Variants in DPP6 observed in about 807,000 individuals in gnomAD.
DPP6 encodes A-type potassium channel modulatory protein DPP6.
Under a neutral mutation model 122.6 loss-of-function variants are expected in DPP6, and 69 were observed. The ratio of observed to expected loss-of-function variants is 0.56; its 90% CI spans 0.46 to 0.69. The LOEUF is 0.69. DPP6 is among the 30% of genes least tolerant of loss of function. The probability of loss-of-function intolerance (pLI) is 0.00; values close to 1 mark genes in which losing one functional copy is unlikely to be tolerated. For missense variants in DPP6, 928 were observed against 1,116.9 expected (o/e 0.83, Z 2.41); for synonymous variants, 418 against 433.1 (o/e 0.97, Z 0.43).
intron 3 of DPP6, among the ~76,000 whole-genome samples, chr7:154,477,832 C>T (rs963069933): frequency 3.9e-5 from 6 of 152,144 alleles, no homozygotes; most frequent in Non-Finnish European, 7.3e-5. Context: ...AATGGACCTG[C>T]CTTTGGTGTT....
At chr7:154,019,280 A>G in intron 1 of DPP6, among the ~76,000 whole-genome samples, 1 of 152,156 alleles carries the variant, frequency 6.6e-6, no homozygotes, top group East Asian at 1.9e-4. Context: ...TCCTGTCTAA[A>G]GCCAGCCTCT....
intron 5 of DPP6, among the ~76,000 whole-genome samples, chr7:154,623,119 C>T (rs1429711105): frequency 6.6e-6 from 1 of 152,166 alleles, no homozygotes; most frequent in Non-Finnish European, 1.5e-5. Context: ...ATTTCCTGGC[C>T]TTTACTTGGT....
chr7:154,477,593 G>A (rs1338763568), intron 3 of DPP6, among the ~76,000 whole-genome samples: 2 of 152,008 alleles, frequency 1.3e-5, no homozygotes, highest in African/African-American at 2.4e-5. Context: ...CTGGAGGAAC[G>A]TGTGCCAGTT....
intron 1 of DPP6, among the ~76,000 whole-genome samples, chr7:154,365,724 C>T (rs1010979073): frequency 6.6e-6 from 1 of 151,718 alleles, no homozygotes; most frequent in Non-Finnish European, 1.5e-5. Context: ...GAGGCCGAGG[C>T]GGGCGGATCA....
chr7:154,128,684 C>T (rs1242508568), intron 1 of DPP6, among the ~76,000 whole-genome samples: 1 of 139,354 alleles, frequency 7.2e-6, no homozygotes, highest in African/African-American at 2.5e-5. Flanking sequence ...ACACCGTGCC[C>T]AGCCCAAGAC....
At chr7:153,796,024 A>G in the DPP6 span, among the ~76,000 whole-genome samples, 60,056 of 141,720 alleles carry the variant, frequency 0.42, 12,780 homozygotes, top group Middle Eastern at 0.51. Flanking sequence ...GACTTGTTTC[A>G]TGGCCCAGAA....
rs541791140 is a variant in DPP6 at position 154,211,278 on chromosome 7, C to G, written c.243+158215C>G. The stretch of plus-strand genomic sequence containing the variant: ...AGCTGGCAGACAGCCCCCACCTGGG[C>G]ATAGGTACATGACAGGAGGGAACGA... On this transcript the variant is annotated intron_variant, in intron 1 of 25. Coordinates refer to ENST00000377770, the MANE Select transcript of DPP6 (RefSeq NM_130797.4). 5.9e-5 allele frequency among the ~76,000 whole-genome samples: 9 copies of G among 152,084 alleles called. 1 individual carries two copies. The highest frequency in any genetic ancestry group is 1.3e-4 in the Non-Finnish European group (9 of 68,030).
chr7:154,261,819 G>A (rs780203027), intron 1 of DPP6, among the ~76,000 whole-genome samples: 98 of 152,264 alleles, frequency 6.4e-4, no homozygotes, highest in Admixed American at 1.2e-3. Context: ...TCAGGGAAAT[G>A]CAAATCAAAA....
chr7:154,239,947 G>A (rs1179619108), intron 1 of DPP6, among the ~76,000 whole-genome samples: 5 of 129,048 alleles, frequency 3.9e-5, no homozygotes, highest in East Asian at 2.7e-4. Context: ...AGCCAAGATC[G>A]TGCCACTGCA....
rs542052801 is a variant in DPP6 at position 154,399,743 on chromosome 7, G to C, written c.244-46471G>C. 2.9e-3 allele frequency among the ~76,000 whole-genome samples: 447 copies of C among 152,282 alleles called. 1 individual carries two copies. The highest frequency in any genetic ancestry group is 7.1e-3 in the African/African-American group (294 of 41,562). On this transcript the variant is annotated intron_variant, in intron 1 of 25. Coordinates refer to ENST00000377770, the MANE Select transcript of DPP6 (RefSeq NM_130797.4). ...TGGATGCATGGGAGAACGCAGGGGT[G>C]GGGGAGGGACCCATCAGTTGGTGCC...
the DPP6 span, among the ~76,000 whole-genome samples, chr7:153,835,867 C>G: frequency 4.6e-5 from 7 of 152,120 alleles, no homozygotes; most frequent in Non-Finnish European, 8.8e-5. Flanking sequence ...TCTGAGCATG[C>G]CTGGTACAAC....
chr7:153,967,583 G>A (rs1472871692), intron 1 of DPP6, among the ~76,000 whole-genome samples: 4 of 152,044 alleles, frequency 2.6e-5, no homozygotes, highest in South Asian at 2.1e-4. Flanking sequence ...TCTCTGGCTC[G>A]TCGAACACAG....
chr7:153,834,111 A>C, the DPP6 span, among the ~76,000 whole-genome samples: 1 of 151,860 alleles, frequency 6.6e-6, no homozygotes, highest in African/African-American at 2.4e-5. Flanking sequence ...ACATGGCAAA[A>C]CCCGGTTTCT....
the DPP6 span, among the ~76,000 whole-genome samples, chr7:153,778,488 G>T: frequency 6.8e-6 from 1 of 147,162 alleles, no homozygotes; most frequent in Non-Finnish European, 1.5e-5. Context: ...CTTGTATTTT[G>T]GGGGGAATGG....
chr7:154,270,993 AAG>A (rs1803750662), intron 1 of DPP6, among the ~76,000 whole-genome samples: 2 of 152,204 alleles, frequency 1.3e-5, no homozygotes, highest in African/African-American at 4.8e-5. Flanking sequence ...TTAAGTGACA[AAG>A]AGATACTGCA....
At chr7:153,992,208 A>G (rs1797213846) in intron 1 of DPP6, among the ~76,000 whole-genome samples, 1 of 152,086 alleles carries the variant, frequency 6.6e-6, no homozygotes, top group African/African-American at 2.4e-5. Flanking sequence ...CCAAATCTAT[A>G]AGGCCACCTC....
intron 17 of DPP6, among the ~76,000 whole-genome samples, chr7:154,861,705 T>C (rs937643442): frequency 2.6e-5 from 4 of 152,252 alleles, no homozygotes; most frequent in Non-Finnish European, 5.9e-5. Flanking sequence ...AAAGTTATGA[T>C]TGCTCTGAGA....
chr7:153,861,501 G>A, the DPP6 span, among the ~76,000 whole-genome samples: 3 of 152,180 alleles, frequency 2.0e-5, no homozygotes, highest in Non-Finnish European at 4.4e-5. Context: ...TATGATGAAG[G>A]GTAAATAGGA....
chr7:154,474,919 T>G lies in DPP6; in HGVS notation c.359-20T>G. 6.3e-7 allele frequency: 1 copy of G among 1,582,268 alleles called. No homozygotes were observed. Among genetic ancestry groups the G allele is most frequent in the Non-Finnish European group, 8.7e-7 (1 of 1,151,918 alleles). On this transcript the variant is annotated intron_variant, in intron 2 of 25. Transcript: ENST00000377770. ...TAATTATGAAACAAGCTTAACTCTT[T>G]GCTTTTTATTTTTTTCTAGCGGAAG...
Sources: gnomAD v4.1 joint callset for allele counts (sites outside exome capture counted in the v4.1 genomes callset) on GRCh38, gnomAD v4.1.1 for gene constraint, MANE v1.5 for transcripts, NCBI Gene and HGNC (gene_info 2026-07-23, HGNC 2026-07-21) for gene names.